The following YLPM1 variants were observed in gnomAD, a reference collection of about 807,000 sequenced individuals.
YLPM1 encodes the protein YLP motif-containing protein 1.
Under a neutral mutation model 230.0 loss-of-function variants are expected in YLPM1, and 99 were observed. The ratio of observed to expected loss-of-function variants is 0.43; its 90% CI spans 0.37 to 0.51. The LOEUF (loss-of-function observed/expected upper bound fraction) is 0.51, where lower values mean the gene tolerates loss of function less well. Ranked by LOEUF, YLPM1 falls within the 20% of genes least tolerant of loss-of-function variation. The pLI is 0.00. For synonymous variants in YLPM1, 984 were observed against 942.5 expected (o/e 1.04, Z -0.81); for missense variants, 2,592 against 2,707.7 (o/e 0.96, Z 0.95).
intron 4 of YLPM1, among the ~76,000 whole-genome samples, chr14:74,787,152 T>C (rs1346899093): frequency 6.7e-6 from 1 of 148,324 alleles, no homozygotes; most frequent in Non-Finnish European, 1.5e-5. Flanking sequence ...CTAGGTTTTA[T>C]GTCTTACTGA....
intron 1 of YLPM1, among the ~76,000 whole-genome samples, chr14:74,769,863 GCCCC>G (rs1438362016): frequency 5.5e-5 from 2 of 36,302 alleles, no homozygotes; most frequent in Non-Finnish European, 5.4e-5. Context: ...CCCCCCCCCC[GCCCC>G]CCGCCCACAA....
Position 74,823,999 on chromosome 14 carries a change from G to C in YLPM1, c.6112-257G>C, listed in dbSNP as rs73305746. 1.6e-3 allele frequency: 633 copies of C among 400,078 alleles called. 6 individuals are homozygous for C. The highest frequency in any genetic ancestry group is 0.012 in the African/African-American group (598 of 48,368). 24.8% of individuals were successfully genotyped at this position (400,078 alleles called of 1,614,324 possible). A position where few individuals can be genotyped will look rare whatever the true frequency, so the allele number is the denominator to read the frequency against. On this transcript the variant is annotated intron_variant, in intron 17 of 20. Coordinates refer to ENST00000325680, the MANE Select transcript of YLPM1 (RefSeq NM_019589.3). ...TGTTCAGACTACAATTGTGAGTCCTGAACTGTAGCTGCCTCAAAGCGCCTT... is the reference window on the plus strand; with the variant it reads ...TGTTCAGACTACAATTGTGAGTCCTCAACTGTAGCTGCCTCAAAGCGCCTT...
At position 74,799,097 on chromosome 14, in the gene YLPM1, A is replaced by T. The variant is rs764889471; in HGVS notation, c.3800A>T (p.Asp1267Val). 1.2e-6 allele frequency: 2 copies of T among 1,613,934 alleles called. No individual in the cohort carries two copies. The highest frequency in any genetic ancestry group is 1.7e-6 in the Non-Finnish European group (2 of 1,179,860). Residue 1267 changes from aspartate (D) to valine (V), a missense_variant, in exon 5 of 21, where the codon GAT becomes GTT. Asp to Val is a radical substitution (Grantham distance 152). This residue lies in a region of YLPM1 where 1,862 missense variants were observed against 1,819.8 expected (regional missense o/e 1.02). Transcript: ENST00000325680. ...GATAGGCGAGGCCCTTGGTGGGATG[A>T]TTGGGAGAGAGACCAGGATATGGAT... ...DGDRRGPWWD[D>V]WERDQDMDED...
intron 6 of YLPM1, among the ~76,000 whole-genome samples, chr14:74,803,115 CT>C (rs1021451908): frequency 2.0e-5 from 3 of 151,716 alleles, no homozygotes; most frequent in African/African-American, 7.3e-5. Flanking sequence ...AAAAAAAGTC[CT>C]GTTTTCCATC....
chr14:74,819,593 G>A (rs537535451), intron 16 of YLPM1, among the ~76,000 whole-genome samples: 1 of 152,082 alleles, frequency 6.6e-6, no homozygotes, highest in African/African-American at 2.4e-5. Context: ...TCTTTTATGT[G>A]TTTTTAATTC....
rs1261709537 is a variant in YLPM1, at chr14:74,835,764, T to G, written c.*37-11T>G. 2.3e-6 allele frequency: 1 copy of G among 434,720 alleles called. No homozygotes were observed. Among genetic ancestry groups the G allele is most frequent in the Admixed American group, 2.9e-5 (1 of 34,486 alleles). 26.9% of individuals were successfully genotyped at this position (434,720 alleles called of 1,614,324 possible). ...CTTTCCAGGTGTGACAGCCTTTTCT[T>G]TTCTTTCCAGGTGGTTCGCTTTGAG... On this transcript the variant is annotated splice_polypyrimidine_tract_variant and intron_variant, in intron 20 of 20. Coordinates refer to ENST00000325680, the MANE Select transcript of YLPM1 (RefSeq NM_019589.3).
Position 74,763,393 on chromosome 14 carries a change from C to T in YLPM1, c.-97C>T. ...TTACACGCTCCGGGGCCTGTAGGCG[C>T]CGCGAGTTCCGGCTGTCGCCGTCGC... On this transcript the variant is annotated 5_prime_UTR_variant, in exon 1 of 21. Transcript: ENST00000325680. 7.3e-7 allele frequency: 1 copy of T among 1,367,152 alleles called. No individual in the cohort carries two copies. Among genetic ancestry groups the T allele is most frequent in the Non-Finnish European group, 9.5e-7 (1 of 1,050,914 alleles). The allele number at this position is 1,367,152 out of a possible 1,614,324, so 84.7% of individuals were successfully genotyped here. A position where few individuals can be genotyped will look rare whatever the true frequency, so the allele number is the denominator to read the frequency against.
At chr14:74,796,538 A>G (rs2140106740) in intron 4 of YLPM1, among the ~76,000 whole-genome samples, 1 of 152,248 alleles carries the variant, frequency 6.6e-6, no homozygotes, top group East Asian at 1.9e-4. Context: ...CTTGGTACTT[A>G]TTTACACTTA....
At chr14:74,834,966 T>C (rs959634435) in intron 19 of YLPM1, 6 of 259,470 alleles carry the variant, frequency 2.3e-5, no homozygotes, top group Non-Finnish European at 4.4e-5. Flanking sequence ...TGCTTTCAGG[T>C]GAAAAAAAAA....
In YLPM1 at chr14:74,780,431, G is replaced by C. The variant is rs1488281353; in HGVS notation, c.1137G>C (p.Arg379Ser). 1 of 1,613,618 alleles carries C rather than the reference G, an allele frequency of 6.2e-7. No individual in the cohort carries two copies. Among genetic ancestry groups the C allele is most frequent in the East Asian group, 2.2e-5 (1 of 44,888 alleles). Residue 379 changes from arginine to serine, a missense_variant, in exon 3 of 21, where the codon AGG becomes AGC. Transcript: ENST00000325680. ...CTGAGGACCCAGAAGAAGATGCCAG[G>C]TTAAAGCAGTTGCAGGCTGCAGCAG... ...PQSEDPEEDARLKQLQAAAAH... is the reference protein window; with the variant it reads ...PQSEDPEEDASLKQLQAAAAH...
Position 74,782,068 on chromosome 14 carries a change from G to A in YLPM1, c.2025G>A (p.Val675=). The change falls in exon 4 of 21, where the codon GTG becomes GTA. Residue 675 remains valine, a synonymous_variant. Transcript: ENST00000325680. ...KPRPALLPTP[V]SFGSAPPTTY... The stretch of plus-strand genomic sequence containing the variant: ...GACCAGCACTGCTTCCTACTCCTGT[G>A]TCTTTTGGTTCTGCCCCACCGACAA... 6.2e-7 allele frequency: 1 copy of A among 1,613,934 alleles called. No homozygotes were observed. Among genetic ancestry groups the A allele is most frequent in the Non-Finnish European group, 8.5e-7 (1 of 1,179,870 alleles).
chr14:74,813,748 T>C (rs2091454709), intron 11 of YLPM1, among the ~76,000 whole-genome samples: 1 of 152,208 alleles, frequency 6.6e-6, no homozygotes, highest in African/African-American at 2.4e-5. Context: ...TATTGATGGC[T>C]TAATTTCATT....
intron 6 of YLPM1, among the ~76,000 whole-genome samples, chr14:74,804,382 T>C (rs1024345875): frequency 6.6e-6 from 1 of 152,224 alleles, no homozygotes; most frequent in Non-Finnish European, 1.5e-5. Flanking sequence ...GACTTTCTTG[T>C]TCTTCCTGAG....
intron 4 of YLPM1, among the ~76,000 whole-genome samples, chr14:74,792,350 A>G (rs2091215357): frequency 6.6e-6 from 1 of 152,194 alleles, no homozygotes; most frequent in South Asian, 2.1e-4. Context: ...CAGGAAATCA[A>G]GTTTACCTAT....
Position 74,764,058 on chromosome 14 carries a change from C to T in YLPM1, c.569C>T (p.Ser190Phe). Residue 190 changes from serine to phenylalanine, a missense_variant, in exon 1 of 21, where the codon TCC (serine) becomes TTC (phenylalanine). Around this residue, in one of 4 missense-constraint regions of YLPM1, gnomAD observed 1,862 missense variants for 1,819.8 expected, o/e 1.02. Coordinates refer to ENST00000325680, the MANE Select transcript of YLPM1 (RefSeq NM_019589.3). Reference protein sequence around the residue: ...SQPYLPPAQPSPSQSPPSQSY... With the variant: ...SQPYLPPAQPFPSQSPPSQSY... Reference sequence around the variant, plus strand: ...CCCTACCTGCCTCCTGCTCAGCCGTCCCCTTCGCAGTCCCCACCTTCCCAA... The same window carrying T: ...CCCTACCTGCCTCCTGCTCAGCCGTTCCCTTCGCAGTCCCCACCTTCCCAA... 1.2e-6 allele frequency: 2 copies of T among 1,612,974 alleles called. No homozygotes were observed. Among genetic ancestry groups the T allele is most frequent in the Non-Finnish European group, 1.7e-6 (2 of 1,179,636 alleles).
intron 4 of YLPM1, among the ~76,000 whole-genome samples, chr14:74,787,133 A>G (rs1319278316): frequency 6.6e-6 from 1 of 151,740 alleles, no homozygotes; most frequent in Non-Finnish European, 1.5e-5. Context: ...TCTTTTTCCC[A>G]TTTTTTGACT....
At chr14:74,783,443 C>G (rs1320181917) in intron 4 of YLPM1, among the ~76,000 whole-genome samples, 1 of 152,136 alleles carries the variant, frequency 6.6e-6, no homozygotes, top group Non-Finnish European at 1.5e-5. Context: ...GAAATGGGTA[C>G]TCCTTATACA....
Position 74,788,923 on chromosome 14 carries a change from A to G in YLPM1, c.2282+6598A>G, listed in dbSNP as rs185197918. Among the ~76,000 whole-genome samples the G allele has an allele frequency of 4.0e-3, 603 of 152,304 alleles. 3 individuals are homozygous for G. Among genetic ancestry groups the G allele is most frequent in the Non-Finnish European group, 7.1e-3 (485 of 68,018 alleles). On this transcript the variant is annotated intron_variant, in intron 4 of 20. Transcript: ENST00000325680. Reference sequence around the variant, plus strand: ...TATTTCTTTAACCTTTTATTTTTAAATCAATACTCCATATAAAACTGATTT... The same window carrying G: ...TATTTCTTTAACCTTTTATTTTTAAGTCAATACTCCATATAAAACTGATTT...
intron 4 of YLPM1, among the ~76,000 whole-genome samples, chr14:74,785,632 C>G (rs954198717): frequency 5.3e-5 from 8 of 152,160 alleles, no homozygotes; most frequent in Admixed American, 3.3e-4. Context: ...TGCTATCAAA[C>G]ATATAACTGA....
Sources: allele counts gnomAD v4.1 joint callset (sites outside exome capture counted in the v4.1 genomes callset), GRCh38; gene constraint gnomAD v4.1.1; regional missense constraint gnomAD v4.1.1; transcripts MANE v1.5; gene names NCBI Gene and HGNC (gene_info 2026-07-23, HGNC 2026-07-21).